The following MMP13 variants were observed in gnomAD, a reference collection of about 807,000 sequenced individuals.
MMP13 encodes the protein matrix metallopeptidase 13.
Under a neutral mutation model 52.1 loss-of-function variants are expected in MMP13, and 45 were observed. That is an observed-to-expected ratio of 0.86 (90% confidence interval 0.68 to 1.11). The LOEUF (loss-of-function observed/expected upper bound fraction) is 1.11, where lower values mean the gene tolerates loss of function less well. Among genes scored for constraint, MMP13 ranks in the 50% least tolerant of loss-of-function variants. The pLI is 0.00. For missense variants in MMP13, 576 were observed against 583.8 expected, an observed-to-expected ratio of 0.99 and a Z score of 0.14; for synonymous variants, 200 against 204.4, an observed-to-expected ratio of 0.98 and a Z score of 0.18.
At chr11:102,950,303 A>T in intron 5 of MMP13, 76 bp from the exon 6 acceptor site, 2 of 1,147,948 alleles carry the variant, frequency 1.7e-6, no homozygotes, top group South Asian at 2.4e-5. Context: ...CAACAGGCTG[A>T]TCTGCTGATG....
chr11:102,948,868 A>T (rs1860560250), intron 7 of MMP13, among the ~76,000 whole-genome samples, 157 bp downstream of exon 7: 1 of 152,190 alleles, frequency 6.6e-6, no homozygotes, highest in African/African-American at 2.4e-5. Flanking sequence ...TTCATGGTAG[A>T]ATGGTTTCAG....
In MMP13 at chr11:102,952,059, T is replaced by G. The variant is rs1555017396; in HGVS notation, c.752A>C (p.His251Pro). 1 of 1,613,454 alleles carries G rather than the reference T, an allele frequency of 6.2e-7. No individual in the cohort carries two copies. The highest frequency in any genetic ancestry group is 2.2e-5 in the East Asian group (1 of 44,872). The change falls in exon 5 of 10, where the codon CAC becomes CCC. Residue 251 changes from histidine (H) to proline (P), a missense_variant. Coordinates refer to ENST00000260302, the MANE Select transcript of MMP13 (RefSeq NM_002427.4). This position sits in a 1 kb window ranked among gnomAD's most constrained non-coding sequence, Gnocchi z 4.3. ...FPIYTYTGKS[H>P]FMLPDDDVQG... is the part of the protein sequence containing the mutation. ...TACATCGTCATCAGGAAGCATAAAG[T>G]GGCTTTTGCCGGTGTAGGTGTAGAT...
At position 102,954,523 on chromosome 11, in the gene MMP13, G is replaced by A. The variant is rs1860665823; in HGVS notation, c.446C>T (p.Thr149Ile). ...GTGAAGTCTGGTAAAATTCAGAGGA[G>A]TTACATCGGACCAAACTTTGAAGGC... ...KKAFKVWSDVTPLNFTRLHDG... is the reference protein window; with the variant it reads ...KKAFKVWSDVIPLNFTRLHDG... Residue 149 changes from threonine (T) to isoleucine (I), a missense_variant, in exon 3 of 10, where the codon ACT becomes ATT. By Grantham distance (89) the Thr-to-Ile change is moderately conservative. Coordinates refer to ENST00000260302, the MANE Select transcript of MMP13 (RefSeq NM_002427.4). The A allele has an allele frequency of 1.2e-6, 2 of 1,613,656 alleles. No individual in the cohort carries two copies. The highest frequency in any genetic ancestry group is 1.7e-6 in the Non-Finnish European group (2 of 1,179,730).
chr11:102,955,194 C>T lies in MMP13; in HGVS notation c.362+58G>A. 1 of 1,582,024 alleles carries T rather than the reference C, an allele frequency of 6.3e-7. No individual in the cohort carries two copies. ...ATAATAAGGCCTACTTAATATTAGA[C>T]ATTTAATACTACAAGAAAAGGCTAA... On this transcript the variant is annotated intron_variant, in intron 2 of 9. Coordinates refer to ENST00000260302, the MANE Select transcript of MMP13 (RefSeq NM_002427.4). The surrounding 1 kb of genome is among the most constrained non-coding windows in gnomAD (Gnocchi z 4.9).
chr11:102,950,077 C>T lies in MMP13; in HGVS notation c.917+33G>A, dbSNP rs376304010. The T allele has an allele frequency of 2.6e-6, 4 of 1,533,158 alleles. No individual in the cohort carries two copies. In the South Asian group the frequency reaches 4.5e-5, roughly 17 times the overall value. 95.0% of individuals were successfully genotyped at this position (1,533,158 alleles called of 1,614,324 possible). Reference sequence around the variant, plus strand: ...GAAGCAGCTTCACAGATGTTTGTCGCATACAGACTTTATGAAAGAATCTCA... The same window carrying T: ...GAAGCAGCTTCACAGATGTTTGTCGTATACAGACTTTATGAAAGAATCTCA... On this transcript the variant is annotated intron_variant, in intron 6 of 9. Transcript: ENST00000260302.
intron 9 of MMP13, chr11:102,945,143 C>A (rs1555016502): frequency 2.7e-6 from 1 of 372,606 alleles, no homozygotes; most frequent in South Asian, 2.0e-5. Context: ...ACTCCAGAGG[C>A]TGAGGCAGGA....
Position 102,952,235 on chromosome 11 carries a change from A to C in MMP13, c.638-62T>G. The C allele has an allele frequency of 6.4e-7, 1 of 1,558,872 alleles. No homozygotes were observed. The highest frequency in any genetic ancestry group is 8.8e-7 in the Non-Finnish European group (1 of 1,131,374). On this transcript the variant is annotated intron_variant, in intron 4 of 9. Coordinates refer to ENST00000260302, the MANE Select transcript of MMP13 (RefSeq NM_002427.4). The surrounding 1 kb of genome is among the most constrained non-coding windows in gnomAD (Gnocchi z 4.3). ...ATTCCAGTGACCAGGTAATGAAAGGAATATCATTTTATCTATCTGGTATGT... is the reference window on the plus strand; with the variant it reads ...ATTCCAGTGACCAGGTAATGAAAGGCATATCATTTTATCTATCTGGTATGT...
intron 5 of MMP13, among the ~76,000 whole-genome samples, chr11:102,950,864 C>T (rs1441393478): frequency 6.6e-6 from 1 of 152,126 alleles, no homozygotes; most frequent in African/African-American, 2.4e-5. Flanking sequence ...TTTCATCAGT[C>T]CCTGAGTCAT....
chr11:102,949,459 G>C lies in MMP13; in HGVS notation c.918-301C>G, dbSNP rs148049915. The stretch of plus-strand genomic sequence containing the variant: ...TTGCCAGGGGCAAGCAAATGTGCCA[G>C]GCATTGTGTTGGCCTCCAGAGAGAA... On this transcript the variant is annotated intron_variant, in intron 6 of 9. Coordinates refer to ENST00000260302, the MANE Select transcript of MMP13 (RefSeq NM_002427.4). This position sits in a 1 kb window ranked among gnomAD's most constrained non-coding sequence, Gnocchi z 4.2. Among the ~76,000 whole-genome samples, 542 of 152,254 alleles carry C rather than the reference G, an allele frequency of 3.6e-3. 6 individuals are homozygous for C. Among genetic ancestry groups the C allele is most frequent in the African/African-American group, 0.012 (497 of 41,536 alleles).
In MMP13 at chr11:102,949,080, G is replaced by A. The variant is rs1591155605; in HGVS notation, c.996C>T (p.Asn332=). Residue 332 remains asparagine, a synonymous_variant, in exon 7 of 10, where the codon AAC becomes AAT. Transcript: ENST00000260302. This position sits in a 1 kb window ranked among gnomAD's most constrained non-coding sequence, Gnocchi z 4.2. ...GGTGCTCATATGCAGCATCAATACG[G>A]TTGGGAAGTTCTGGCCAAAATGATT... The part of the protein sequence containing the change: ...LTKSFWPELP[N]RIDAAYEHPS... 4 of 1,613,910 alleles carry A rather than the reference G, an allele frequency of 2.5e-6. No homozygotes were observed. The highest frequency in any genetic ancestry group is 2.2e-5 in the East Asian group (1 of 44,878).
chr11:102,950,129 T>G lies in MMP13; in HGVS notation c.898A>C (p.Thr300Pro). ...GAGTACCTGTCTTTAAAGATCATTG[T>G]TTCTCCTCGGAGACTGGTAATGGCA... ...LDAITSLRGETMIFKDRFFWR... is the reference protein window; with the variant it reads ...LDAITSLRGEPMIFKDRFFWR... The change falls in exon 6 of 10, where the codon ACA becomes CCA. Residue 300 changes from threonine (T) to proline (P), a missense_variant. By Grantham distance (38) the Thr-to-Pro change is conservative. Transcript: ENST00000260302. 6.2e-7 allele frequency: 1 copy of G among 1,611,464 alleles called. No homozygotes were observed. The highest frequency in any genetic ancestry group is 8.5e-7 in the Non-Finnish European group (1 of 1,177,594).
At chr11:102,954,125 A>G (rs1860655292) in intron 4 of MMP13, 31 bp downstream of exon 4, 1 of 1,611,648 alleles carries the variant, frequency 6.2e-7, no homozygotes, top group African/African-American at 1.3e-5. Context: ...ATCTAATAAC[A>G]CATAAATGAT....
rs1555016841 is a variant in MMP13, at chr11:102,947,937, C to T, written c.1165G>A (p.Glu389Lys). ...VKKISAAVHF[E>K]DTGKTLLFSG... ...AACAGGAGAGTCTTGCCTGTATCCT[C>T]AAAGTGAACAGCTGCACTTATCTTC... is the stretch of plus-strand genomic sequence containing the variant. Residue 389 changes from glutamate to lysine, a missense_variant, in exon 8 of 10, where the codon GAG becomes AAG. By Grantham distance (56) the Glu-to-Lys change is moderately conservative. Coordinates refer to ENST00000260302, the MANE Select transcript of MMP13 (RefSeq NM_002427.4). The T allele has an allele frequency of 1.2e-6, 2 of 1,613,946 alleles. No individual in the cohort carries two copies. The highest frequency in any genetic ancestry group is 2.2e-5 in the South Asian group (2 of 91,076).
At chr11:102,947,818 G>A in intron 8 of MMP13, 73 bp downstream of exon 8, 2 of 1,476,120 alleles carry the variant, frequency 1.4e-6, no homozygotes, top group South Asian at 2.3e-5. Flanking sequence ...TAGGAATAAT[G>A]TATAGTAGTG....
chr11:102,945,206 T>C (rs1555016517), intron 9 of MMP13: 1 of 686,018 alleles, frequency 1.5e-6, no homozygotes, highest in Non-Finnish European at 2.1e-6. Flanking sequence ...ATTGCGACAA[T>C]GAACTCCAGC....
At chr11:102,947,444 T>C (rs1202150308) in intron 8 of MMP13, among the ~76,000 whole-genome samples, 1 of 152,130 alleles carries the variant, frequency 6.6e-6, no homozygotes, top group Non-Finnish European at 1.5e-5. Flanking sequence ...CACATGCCTG[T>C]AATCCCAGCT....
chr11:102,944,361 T>C lies in MMP13; in HGVS notation c.1321A>G (p.Ile441Val). 6.2e-7 allele frequency: 1 copy of C among 1,600,550 alleles called. No homozygotes were observed. The highest frequency in any genetic ancestry group is 8.6e-7 in the Non-Finnish European group (1 of 1,168,072). The change falls in exon 10 of 10, where the codon ATC becomes GTC. Residue 441 changes from isoleucine to valine, a missense_variant. By Grantham distance (29) the Ile-to-Val change is conservative. Coordinates refer to ENST00000260302, the MANE Select transcript of MMP13 (RefSeq NM_002427.4). Reference sequence around the variant, plus strand: ...TGTATGGGTCCGTTGAAAAAATAGATATAACCTATAAGAAAAAGCATAAAG... The same window carrying C: ...TGTATGGGTCCGTTGAAAAAATAGACATAACCTATAAGAAAAAGCATAAAG... ...VDAVYEKNGY[I>V]YFFNGPIQFE...
chr11:102,954,743 A>C, intron 2 of MMP13, 137 bp from the exon 3 acceptor site: 1 of 879,848 alleles, frequency 1.1e-6, no homozygotes, highest in South Asian at 1.6e-5. Context: ...ATTGTTTCAA[A>C]TAATGTATTA....
Position 102,947,993 on chromosome 11 carries a change from AT to A in MMP13, c.1108del (p.Ile370TyrfsTer13), listed in dbSNP as rs1860542546. The A allele has an allele frequency of 6.2e-6, 10 of 1,613,648 alleles. No individual in the cohort carries two copies. The highest frequency in any genetic ancestry group is 8.5e-6 in the Non-Finnish European group (10 of 1,179,866). ...TTCTTTTGGAAGACCCAGTTCAGATATTTTTTTGGGATAACCTTCCAGAATG... is the reference window on the plus strand; with the variant it reads ...TTCTTTTGGAAGACCCAGTTCAGATATTTTTTGGGATAACCTTCCAGAATG... ...YDILEGYPKK[I>X]SELGLPKEVK... On this transcript the variant is annotated frameshift_variant, in exon 8 of 10. Coordinates refer to ENST00000260302, the MANE Select transcript of MMP13 (RefSeq NM_002427.4). LOFTEE classifies it high-confidence loss of function.
Sources: allele counts gnomAD v4.1 joint callset (sites outside exome capture counted in the v4.1 genomes callset), GRCh38; gene constraint gnomAD v4.1.1; non-coding constraint Gnocchi (gnomAD v3.1); transcripts MANE v1.5; gene names NCBI Gene and HGNC (gene_info 2026-07-23, HGNC 2026-07-21).